TRPC4AP: variants seen among roughly 807,000 people sequenced by gnomAD.
TRPC4AP encodes the protein short transient receptor potential channel 4-associated protein.
Under a neutral mutation model 99.0 loss-of-function variants are expected in TRPC4AP, and 45 were observed. The ratio of observed to expected loss-of-function variants is 0.45; its 90% confidence interval spans 0.36 to 0.58. TRPC4AP has a LOEUF of 0.58. Among genes scored for constraint, TRPC4AP ranks in the 20% least tolerant of loss-of-function variants. The pLI is 0.00. For missense variants in TRPC4AP, 879 were observed against 985.3 expected, an observed-to-expected ratio of 0.89 and a Z score of 1.44; for synonymous variants, 408 against 385.8, an observed-to-expected ratio of 1.06 and a Z score of -0.67.
chr20:35,003,197 G>A lies in TRPC4AP; in HGVS notation c.2343C>T (p.Ser781=). 1 of 1,614,224 alleles carries A rather than the reference G, an allele frequency of 6.2e-7. No individual in the cohort carries two copies. Among genetic ancestry groups the A allele is most frequent in the Non-Finnish European group, 8.5e-7 (1 of 1,180,018 alleles). ...TGTCCATGTAGGGCTCCTCAATGTAGCTAACGAGAGCAGAGGGTGACTGCC... is the reference window on the plus strand; with the variant it reads ...TGTCCATGTAGGGCTCCTCAATGTAACTAACGAGAGCAGAGGGTGACTGCC... ...PDRQSPSALV[S]YIEEPYMDID... Residue 781 remains serine (S), a synonymous_variant, in exon 19 of 19, where the codon AGC becomes AGT. Coordinates refer to ENST00000252015, the MANE Select transcript of TRPC4AP (RefSeq NM_015638.3).
chr20:35,041,255 T>C (rs984920956), intron 7 of TRPC4AP, among the ~76,000 whole-genome samples: 1 of 146,404 alleles, frequency 6.8e-6, no homozygotes, highest in African/African-American at 2.5e-5. Flanking sequence ...TCAAGAATGA[T>C]AACATTCAGA....
At chr20:35,051,581 A>G (rs938990531) in intron 5 of TRPC4AP, among the ~76,000 whole-genome samples, 2 of 151,678 alleles carry the variant, frequency 1.3e-5, no homozygotes, top group Non-Finnish European at 2.9e-5. Flanking sequence ...CTGTATTAAT[A>G]CATTTCGGTT....
intron 7 of TRPC4AP, among the ~76,000 whole-genome samples, chr20:35,037,274 G>A (rs1268941973): frequency 6.6e-6 from 1 of 150,670 alleles, no homozygotes; most frequent in Non-Finnish European, 1.5e-5. Flanking sequence ...GTGAACCCAG[G>A]AGGCAGAGCT....
chr20:35,027,045 C>T (rs562739649), intron 8 of TRPC4AP, among the ~76,000 whole-genome samples: 1 of 152,078 alleles, frequency 6.6e-6, no homozygotes, highest in African/African-American at 2.4e-5. Context: ...CTTTTTCTTG[C>T]CTAACTGCCC....
In TRPC4AP at chr20:35,021,089, G is replaced by A. The variant is rs571583938; in HGVS notation, c.1218+101C>T. 179 of 1,331,352 alleles carry A rather than the reference G, an allele frequency of 1.3e-4. 3 individuals are homozygous for A. The South Asian group carries it at 2.2e-3, about 16-fold the overall frequency. The allele number at this position is 1,331,352 out of a possible 1,614,324, so 82.5% of individuals were successfully genotyped here. On this transcript the variant is annotated intron_variant, in intron 9 of 18. Transcript: ENST00000252015. ...CCCCTATGCTTTGCCAGGCTAAAGC[G>A]AGAGCCATTCTAACAGAAGGCCCAG...
intron 10 of TRPC4AP, among the ~76,000 whole-genome samples, chr20:35,014,335 T>TTTTTTTA (rs10681837): frequency 1.4e-5 from 2 of 148,052 alleles, no homozygotes; most frequent in Admixed American, 6.7e-5. Flanking sequence ...TTTTTTTTTT[T>TTTTTTTA]GAGACACAGT....
intron 1 of TRPC4AP, among the ~76,000 whole-genome samples, chr20:35,089,724 CTG>C (rs1161210207): frequency 6.6e-6 from 1 of 152,114 alleles, no homozygotes; most frequent in East Asian, 1.9e-4. Flanking sequence ...TGGCACACGA[CTG>C]TAATCCCAGC....
intron 7 of TRPC4AP, among the ~76,000 whole-genome samples, chr20:35,038,883 G>A (rs1449267564): frequency 6.6e-6 from 1 of 152,158 alleles, no homozygotes; most frequent in Admixed American, 6.5e-5. Flanking sequence ...GACCAGCCTG[G>A]CCAATATGGC....
chr20:35,044,261 C>T (rs2083504448), intron 7 of TRPC4AP, among the ~76,000 whole-genome samples: 1 of 151,470 alleles, frequency 6.6e-6, no homozygotes, highest in Admixed American at 6.6e-5. Context: ...TGTGGTGGCA[C>T]CTGCCTATAG....
chr20:35,006,262 AG>A (rs1436271574), intron 15 of TRPC4AP, among the ~76,000 whole-genome samples, 172 bp downstream of exon 15: 6 of 151,982 alleles, frequency 3.9e-5, no homozygotes, highest in Non-Finnish European at 8.8e-5. Flanking sequence ...CTGCATTCCC[AG>A]GGTCTAGCAC....
chr20:35,044,472 A>G (rs755172966), intron 7 of TRPC4AP, 33 bp downstream of exon 7: 13 of 1,597,364 alleles, frequency 8.1e-6, no homozygotes, highest in Non-Finnish European at 1.1e-5. Context: ...TCAGAGCTAT[A>G]ATCTCAAAAT....
chr20:35,008,879 C>A, intron 12 of TRPC4AP, 132 bp from the exon 13 acceptor site: 1 of 767,188 alleles, frequency 1.3e-6, no homozygotes, highest in Non-Finnish European at 2.1e-6. Context: ...CTTCCTGCTC[C>A]AACTGGGTCC....
rs1456273650 is a variant in TRPC4AP, at chr20:35,003,177, A to G, written c.2363T>C (p.Met788Thr). The G allele has an allele frequency of 6.2e-7, 1 of 1,614,196 alleles. No homozygotes were observed. Among genetic ancestry groups the G allele is most frequent in the South Asian group, 1.1e-5 (1 of 91,086 alleles). ...ALVSYIEEPY[M>T]DIDRDFTEE is the part of the protein sequence containing the mutation. ...CTCAGTGAAGTCCCTGTCTATGTCCATGTAGGGCTCCTCAATGTAGCTAAC... is the reference window on the plus strand; with the variant it reads ...CTCAGTGAAGTCCCTGTCTATGTCCGTGTAGGGCTCCTCAATGTAGCTAAC... The change falls in exon 19 of 19, where the codon ATG becomes ACG. Residue 788 changes from methionine (M) to threonine (T), a missense_variant. Around this residue, in one of 3 missense-constraint regions of TRPC4AP, gnomAD observed 224 missense variants for 264.7 expected, o/e 0.85. Transcript: ENST00000252015.
chr20:35,022,066 T>C (rs767128047), intron 8 of TRPC4AP, among the ~76,000 whole-genome samples: 1 of 152,212 alleles, frequency 6.6e-6, no homozygotes, highest in Non-Finnish European at 1.5e-5. Context: ...TAGACTGCTC[T>C]GCAGCAGACA....
chr20:35,053,933 A>C (rs1196036729), intron 5 of TRPC4AP, among the ~76,000 whole-genome samples: 1 of 152,220 alleles, frequency 6.6e-6, no homozygotes, highest in East Asian at 1.9e-4. Context: ...GAATTACGTA[A>C]GTGTTCAAAC....
At position 35,084,389 on chromosome 20, in the gene TRPC4AP, A is replaced by T. The variant is rs546497710; in HGVS notation, c.169-6215T>A. ...ACTTGTACCCCATTAATACAAATTT[A>T]AAAACAGTAAAATAAATTAAAGGAT... On this transcript the variant is annotated intron_variant, in intron 1 of 18. Coordinates refer to ENST00000252015, the MANE Select transcript of TRPC4AP (RefSeq NM_015638.3). 7.9e-5 allele frequency among the ~76,000 whole-genome samples: 12 copies of T among 152,022 alleles called. No individual in the cohort carries two copies. In the South Asian group the frequency reaches 2.3e-3, roughly 29 times the overall value.
At chr20:35,027,294 T>C (rs1047390594) in intron 8 of TRPC4AP, among the ~76,000 whole-genome samples, 3 of 152,254 alleles carry the variant, frequency 2.0e-5, no homozygotes, top group African/African-American at 4.8e-5. Flanking sequence ...TTTTTGCTCC[T>C]ATGGAAACGA....
At chr20:35,010,724 C>A (rs967795269) in intron 11 of TRPC4AP, among the ~76,000 whole-genome samples, 1 of 152,210 alleles carries the variant, frequency 6.6e-6, no homozygotes, top group Non-Finnish European at 1.5e-5. Flanking sequence ...GACTTGCCAT[C>A]CAGGCCTGTC....
rs566949461 is a variant in TRPC4AP, at chr20:35,084,576, GTA to G, written c.169-6404_169-6403del. Among the ~76,000 whole-genome samples, 696 of 136,398 alleles carry G rather than the reference GTA, an allele frequency of 5.1e-3. 12 individuals are homozygous for G. Among genetic ancestry groups the G allele is most frequent in the Admixed American group, 0.013 (172 of 13,096 alleles). 89.5% of individuals were successfully genotyped at this position (136,398 alleles called of 152,430 possible). A position where few individuals can be genotyped will look rare whatever the true frequency, so the allele number is the denominator to read the frequency against. On this transcript the variant is annotated intron_variant, in intron 1 of 18. Coordinates refer to ENST00000252015, the MANE Select transcript of TRPC4AP (RefSeq NM_015638.3). The stretch of plus-strand genomic sequence containing the variant: ...TGTTTATATGCATATATGTGTATAT[GTA>G]TATATGTTTATATGCATATATGTGT...
Sources: allele counts gnomAD v4.1 joint callset (sites outside exome capture counted in the v4.1 genomes callset), GRCh38; gene constraint gnomAD v4.1.1; regional missense constraint gnomAD v4.1.1; transcripts MANE v1.5; gene names NCBI Gene and HGNC (gene_info 2026-07-23, HGNC 2026-07-21).